GSDMC: variants seen among roughly 807,000 people sequenced by gnomAD.
The protein encoded by GSDMC is gasdermin C.
A neutral mutation model predicts 58.0 loss-of-function variants in GSDMC; 59 were observed. That is an observed-to-expected ratio of 1.02 (90% CI 0.82 to 1.26). The LOEUF is 1.26. Among genes scored for constraint, GSDMC ranks in the 50% most tolerant of loss-of-function variants. The pLI is 0.00. For synonymous variants in GSDMC, 241 were observed against 220.2 expected (o/e 1.09, Z -0.83); for missense variants, 659 against 598.5 (o/e 1.10, Z -1.06).
Position 129,777,324 on chromosome 8 carries a change from CAT to C in GSDMC, c.220+42_220+43del, listed in dbSNP as rs200314205. The C allele has an allele frequency of 3.6e-4, 427 of 1,189,736 alleles. 6 individuals are homozygous for C. In the East Asian group the frequency reaches 9.8e-3, roughly 27 times the overall value. The allele number at this position is 1,189,736 out of a possible 1,614,324, so 73.7% of individuals were successfully genotyped here. On this transcript the variant is annotated intron_variant, in intron 2 of 13. Coordinates refer to ENST00000276708, the MANE Select transcript of GSDMC (RefSeq NM_031415.3). ...GGTGGGCCATCTTTTTCTGACCACA[CAT>C]GTTTTTCACCCCTCACCTCCTTGGC...
Position 129,750,069 on chromosome 8 carries a change from T to G in GSDMC, c.1134A>C (p.Leu378=). ...GHLDGPGGAI[L]KKLQQDSNHA... ...GGTTTGAATCCTGTTGAAGTTTCTT[T>G]AGGATGGCACCACCAGGGCCATCCA... The change falls in exon 12 of 14, where the codon CTA becomes CTC. Residue 378 remains leucine, a synonymous_variant. Transcript: ENST00000276708. 1 of 1,610,008 alleles carries G rather than the reference T, an allele frequency of 6.2e-7. No individual in the cohort carries two copies. Among genetic ancestry groups the G allele is most frequent in the Admixed American group, 1.7e-5 (1 of 59,502 alleles).
chr8:129,759,888 G>A lies in GSDMC; in HGVS notation c.721+657C>T, dbSNP rs2033588972. Among the ~76,000 whole-genome samples the A allele has an allele frequency of 2.0e-5, 3 of 152,070 alleles. No homozygotes were observed. In the South Asian group the frequency reaches 6.2e-4, roughly 31 times the overall value. On this transcript the variant is annotated intron_variant, in intron 6 of 13. Coordinates refer to ENST00000276708, the MANE Select transcript of GSDMC (RefSeq NM_031415.3). The stretch of plus-strand genomic sequence containing the variant: ...ATATACACCAAAAGGCAGGCAATCA[G>A]TATACCAAAGAGAGATTTAAGAACA...
At chr8:129,784,734 C>T (rs1313805144) in intron 1 of GSDMC, among the ~76,000 whole-genome samples, 2 of 152,216 alleles carry the variant, frequency 1.3e-5, no homozygotes, top group African/African-American at 4.8e-5. Context: ...CCAGCAACCT[C>T]TCTGCTGGGT....
chr8:129,737,785 T>C, the GSDMC span, among the ~76,000 whole-genome samples: 2 of 152,070 alleles, frequency 1.3e-5, no homozygotes, highest in African/African-American at 2.4e-5. Flanking sequence ...CCAAAAGCAA[T>C]GGCAACAAAA....
chr8:129,765,683 T>A lies in GSDMC; in HGVS notation c.515A>T (p.Asp172Val). 1 of 1,613,296 alleles carries A rather than the reference T, an allele frequency of 6.2e-7. No individual in the cohort carries two copies. Among genetic ancestry groups the A allele is most frequent in the Non-Finnish European group, 8.5e-7 (1 of 1,179,234 alleles). ...VELINNTVLYDSSSVNILGKI... is the reference protein window; with the variant it reads ...VELINNTVLYVSSSVNILGKI... The stretch of plus-strand genomic sequence containing the variant: ...CCCTAAAATATTCACACTACTGCTA[T>A]CGTACAGCACAGTATTGTTGATCAG... Residue 172 changes from aspartate to valine, a missense_variant, in exon 4 of 14, where the codon GAT becomes GTT. Asp to Val is a radical substitution (Grantham distance 152). Transcript: ENST00000276708.
chr8:129,717,901 T>G, the GSDMC span, among the ~76,000 whole-genome samples: 2 of 152,042 alleles, frequency 1.3e-5, no homozygotes, highest in Admixed American at 1.3e-4. Flanking sequence ...TTGACAAACC[T>G]GACAAAAACA....
chr8:129,768,762 G>A (rs548262670), intron 3 of GSDMC, among the ~76,000 whole-genome samples: 34 of 152,248 alleles, frequency 2.2e-4, no homozygotes, highest in Non-Finnish European at 4.6e-4. Flanking sequence ...AAGAGAGTGA[G>A]AAAGAGATAA....
chr8:129,740,883 C>T, the GSDMC span, among the ~76,000 whole-genome samples: 5 of 152,082 alleles, frequency 3.3e-5, no homozygotes, highest in African/African-American at 1.2e-4. Flanking sequence ...TATTGTTGCC[C>T]GTGCTTTCGG....
chr8:129,761,167 A>G (rs1217138775), intron 5 of GSDMC, among the ~76,000 whole-genome samples: 1 of 152,150 alleles, frequency 6.6e-6, no homozygotes, highest in Non-Finnish European at 1.5e-5. Context: ...TAAAATGGAG[A>G]TGAGATCTTC....
At chr8:129,709,165 TC>T in the GSDMC span, among the ~76,000 whole-genome samples, 1 of 124,718 alleles carries the variant, frequency 8.0e-6, no homozygotes, top group African/African-American at 4.4e-5. Context: ...GTCACTGAAT[TC>T]CCCCTTCTTT....
In GSDMC at chr8:129,752,739, G is replaced by T; in HGVS notation, c.803C>A (p.Thr268Asn). 3 of 1,614,214 alleles carry T rather than the reference G, an allele frequency of 1.9e-6. No individual in the cohort carries two copies. Among genetic ancestry groups the T allele is most frequent in the East Asian group, 2.2e-5 (1 of 44,886 alleles). ...ATCATTGGATGAGGCATTGAAGAGGGTTGGAGAGATGGTATGAAATGATGG... is the reference window on the plus strand; with the variant it reads ...ATCATTGGATGAGGCATTGAAGAGGTTTGGAGAGATGGTATGAAATGATGG... The part of the protein sequence containing the change: ...LLPSFHTISP[T>N]LFNASSNDMK... The change falls in exon 7 of 14, where the codon ACC becomes AAC. Residue 268 changes from threonine to asparagine, a missense_variant. Coordinates refer to ENST00000276708, the MANE Select transcript of GSDMC (RefSeq NM_031415.3).
chr8:129,761,727 C>T (rs1032241412), intron 5 of GSDMC, among the ~76,000 whole-genome samples: 1 of 152,128 alleles, frequency 6.6e-6, no homozygotes, highest in African/African-American at 2.4e-5. Flanking sequence ...AGTGGGAATC[C>T]CATTCTCACC....
intron 5 of GSDMC, 47 bp from the exon 6 acceptor site, chr8:129,760,636 T>C (rs200661424): frequency 2.8e-6 from 3 of 1,083,582 alleles, no homozygotes; most frequent in Non-Finnish European, 4.2e-6. Context: ...AGGTTATTCC[T>C]GCCTGAACCT....
chr8:129,713,986 T>C, the GSDMC span, among the ~76,000 whole-genome samples: 71 of 152,240 alleles, frequency 4.7e-4, no homozygotes, highest in Non-Finnish European at 8.8e-4. Flanking sequence ...CAGACAGTTA[T>C]AATACTGAGA....
the GSDMC span, among the ~76,000 whole-genome samples, chr8:129,739,607 C>T: frequency 1.3e-5 from 2 of 152,164 alleles, no homozygotes; most frequent in Non-Finnish European, 2.9e-5. Context: ...CGCCTGCTGA[C>T]GTTGTAGCTG....
chr8:129,784,313 G>C (rs1158218855), intron 1 of GSDMC, among the ~76,000 whole-genome samples: 2 of 152,176 alleles, frequency 1.3e-5, no homozygotes, highest in South Asian at 4.1e-4. Context: ...AGAACCCACA[G>C]AATGGGAGAA....
In GSDMC at chr8:129,752,806, C is replaced by T. The variant is rs759624672; in HGVS notation, c.736G>A (p.Glu246Lys). ...RTFQDEYEISEMVGYCAARSE... is the reference protein window; with the variant it reads ...RTFQDEYEISKMVGYCAARSE... Reference sequence around the variant, plus strand: ...CTCGCAGCACAGTAGCCTACCATTTCGGAAATTTCGTACTCTTGGGAGAGA... The same window carrying T: ...CTCGCAGCACAGTAGCCTACCATTTTGGAAATTTCGTACTCTTGGGAGAGA... Residue 246 changes from glutamate to lysine, a missense_variant, in exon 7 of 14, where the codon GAA (glutamate) becomes AAA (lysine). Physicochemically the swap from Glu to Lys is moderately conservative, Grantham distance 56. Coordinates refer to ENST00000276708, the MANE Select transcript of GSDMC (RefSeq NM_031415.3). 16 of 1,613,976 alleles carry T rather than the reference C, an allele frequency of 9.9e-6. No homozygotes were observed. Among genetic ancestry groups the T allele is most frequent in the South Asian group, 4.4e-5 (4 of 91,084 alleles).
At position 129,750,103 on chromosome 8, in the gene GSDMC, G is replaced by C. The variant is rs2033120209; in HGVS notation, c.1100C>G (p.Ser367Ter). ...DLMNMLELDS[S>*]GHLDGPGGAI... is the part of the protein sequence containing the mutation. Reference sequence around the variant, plus strand: ...ACCACCAGGGCCATCCAAATGACCTGAGCTGTCCAATTCCAGCTATAGAAG... The same window carrying C: ...ACCACCAGGGCCATCCAAATGACCTCAGCTGTCCAATTCCAGCTATAGAAG... The change falls in exon 12 of 14, where the codon TCA (serine) becomes TGA (stop). Residue 367 changes from serine to a stop codon, truncating the protein, a stop_gained. Coordinates refer to ENST00000276708, the MANE Select transcript of GSDMC (RefSeq NM_031415.3). LOFTEE classifies it high-confidence loss of function. 7.6e-6 allele frequency: 12 copies of C among 1,577,832 alleles called. No homozygotes were observed. Among genetic ancestry groups the C allele is most frequent in the Non-Finnish European group, 1.0e-5 (12 of 1,167,426 alleles).
intron 1 of GSDMC, among the ~76,000 whole-genome samples, chr8:129,781,431 A>T (rs565362925): frequency 6.6e-6 from 1 of 152,352 alleles, no homozygotes; most frequent in African/African-American, 2.4e-5. Flanking sequence ...CTAAAGAGAT[A>T]GACCCCAATG....
Sources: allele counts gnomAD v4.1 joint callset (sites outside exome capture counted in the v4.1 genomes callset), GRCh38; gene constraint gnomAD v4.1.1; transcripts MANE v1.5; gene names NCBI Gene and HGNC (gene_info 2026-07-23, HGNC 2026-07-21).